LAMP5: variants seen among roughly 807,000 people sequenced by gnomAD.
LAMP5 encodes the protein lysosome-associated membrane glycoprotein 5.
A neutral mutation model predicts 30.2 loss-of-function variants in LAMP5; 36 were observed. The ratio of observed to expected loss-of-function variants is 1.19; its 90% CI spans 0.91 to 1.57. The LOEUF (loss-of-function observed/expected upper bound fraction) is 1.57, where lower values mean the gene tolerates loss of function less well. Among genes scored for constraint, LAMP5 ranks in the 40% most tolerant of loss-of-function variants. LAMP5 has a pLI of 0.00. For missense variants in LAMP5, 377 were observed against 354.9 expected, an observed-to-expected ratio of 1.06 and a Z score of -0.50; for synonymous variants, 149 against 134.6, an observed-to-expected ratio of 1.11 and a Z score of -0.74.
At chr20:9,517,621 A>ATG (rs3037127) in intron 4 of LAMP5, among the ~76,000 whole-genome samples, 22 of 149,096 alleles carry the variant, frequency 1.5e-4, no homozygotes, top group Non-Finnish European at 2.4e-4. Context: ...TTGTAAATGT[A>ATG]TGTGTGTGTG....
At position 9,529,739 on chromosome 20, in the gene LAMP5, G is replaced by A. The variant is rs767341331; in HGVS notation, c.762G>A (p.Ala254=). Residue 254 remains alanine (A), a synonymous_variant, in exon 6 of 6, where the codon GCG becomes GCA. Coordinates refer to ENST00000246070, the MANE Select transcript of LAMP5 (RefSeq NM_012261.4). ...ILGLVIMVTL[A]IYHVHHKMTA... is the part of the protein sequence containing the mutation. ...GCCTCGTCATCATGGTAACACTCGC[G>A]ATTTACCACGTCCACCACAAAATGA... 33 of 1,614,024 alleles carry A rather than the reference G, an allele frequency of 2.0e-5. No individual in the cohort carries two copies. The highest frequency in any genetic ancestry group is 4.5e-5 in the East Asian group (2 of 44,884).
At chr20:9,516,467 C>T (rs2045040834) in intron 4 of LAMP5, 106 bp downstream of exon 4, 6 of 942,224 alleles carry the variant, frequency 6.4e-6, no homozygotes, top group African/African-American at 1.6e-5. Flanking sequence ...CTTTGAGGTC[C>T]CAGGCCAAGT....
At chr20:9,527,020 A>G (rs1261439464) in intron 5 of LAMP5, among the ~76,000 whole-genome samples, 1 of 151,688 alleles carries the variant, frequency 6.6e-6, no homozygotes, top group African/African-American at 2.4e-5. Context: ...AGAAATCAAC[A>G]TATCCATCAT....
At chr20:9,516,182 G>C (rs1471821713) in intron 3 of LAMP5, 51 bp downstream of exon 3, 2 of 1,601,994 alleles carry the variant, frequency 1.2e-6, no homozygotes, top group Non-Finnish European at 1.7e-6. Context: ...CGTGGGTGTG[G>C]GAAGTGGCGG....
Position 9,529,917 on chromosome 20 carries a change from A to C in LAMP5, c.*97A>C. The C allele has an allele frequency of 1.6e-6, 2 of 1,228,454 alleles. No individual in the cohort carries two copies. The highest frequency in any genetic ancestry group is 1.5e-5 in the African/African-American group (1 of 67,286). 76.1% of individuals were successfully genotyped at this position (1,228,454 alleles called of 1,614,324 possible). Reference sequence around the variant, plus strand: ...CATCTTGTACACGAGATACACCAACATAGCTACAATCAAACAGGCCTGGGT... The same window carrying C: ...CATCTTGTACACGAGATACACCAACCTAGCTACAATCAAACAGGCCTGGGT... On this transcript the variant is annotated 3_prime_UTR_variant, in exon 6 of 6. Transcript: ENST00000246070.
chr20:9,524,472 T>G lies in LAMP5; in HGVS notation c.665-5170T>G, dbSNP rs1347744950. Among the ~76,000 whole-genome samples, 12 of 148,438 alleles carry G rather than the reference T, an allele frequency of 8.1e-5. No individual in the cohort carries two copies. The East Asian group carries it at 1.9e-3, about 24-fold the overall frequency. On this transcript the variant is annotated intron_variant, in intron 5 of 5. Transcript: ENST00000246070. ...ATGCTCTAAGCTGCCATGTAAAATA[T>G]TGTTTTTTTTTTTTTCCCGTGGGTC...
At chr20:9,515,024 T>C (rs2045025164) in intron 1 of LAMP5, 108 bp downstream of exon 1, 1 of 1,011,708 alleles carries the variant, frequency 9.9e-7, no homozygotes, top group African/African-American at 1.6e-5. Context: ...GCCCTTAATG[T>C]TTTGCGGTGT....
intron 5 of LAMP5, among the ~76,000 whole-genome samples, chr20:9,528,081 A>G (rs2122850804): frequency 6.6e-6 from 1 of 152,370 alleles, no homozygotes; most frequent in South Asian, 2.1e-4. Context: ...GTATGGATAA[A>G]GAAAATGTGG....
Position 9,514,912 on chromosome 20 carries a change from G to T in LAMP5, c.60G>T (p.Leu20Phe). The T allele has an allele frequency of 1.2e-6, 2 of 1,614,116 alleles. No homozygotes were observed. Among genetic ancestry groups the T allele is most frequent in the Non-Finnish European group, 1.7e-6 (2 of 1,179,954 alleles). The change falls in exon 1 of 6, where the codon TTG becomes TTT. Residue 20 changes from leucine to phenylalanine, a missense_variant. Leu to Phe is a conservative substitution (Grantham distance 22, BLOSUM62 0). Transcript: ENST00000246070. Reference sequence around the variant, plus strand: ...ACAGACTTCGAGTTCTCCTGATGTTGTTCCGTGAGTAGCGATTTGGCGACT... The same window carrying T: ...ACAGACTTCGAGTTCTCCTGATGTTTTTCCGTGAGTAGCGATTTGGCGACT... ...SIDRLRVLLM[L>F]FHTMAQIMAE...
rs957555210 is a variant in LAMP5, at chr20:9,529,850, G to T, written c.*30G>T. 4 of 1,607,702 alleles carry T rather than the reference G, an allele frequency of 2.5e-6. No homozygotes were observed. The highest frequency in any genetic ancestry group is 3.4e-6 in the Non-Finnish European group (4 of 1,175,196). ...CGTTAGGCAGGCACCCCCTATTCCT[G>T]CTCCCCCAACTGGATCAGGTAGAAC... On this transcript the variant is annotated 3_prime_UTR_variant, in exon 6 of 6. Transcript: ENST00000246070.
chr20:9,514,764 C>G lies in LAMP5; in HGVS notation c.-89C>G. ...TCTCTGTCCCCCGCCTCTCGCTCAC[C>G]CCGGCCCACTCCAGCGGCGACTTTG... On this transcript the variant is annotated 5_prime_UTR_variant, in exon 1 of 6. Transcript: ENST00000246070. The G allele has an allele frequency of 8.1e-7, 1 of 1,228,940 alleles. No homozygotes were observed. The highest frequency in any genetic ancestry group is 1.2e-5 in the South Asian group (1 of 80,016). The allele number at this position is 1,228,940 out of a possible 1,614,324, so 76.1% of individuals were successfully genotyped here.
rs755370376 is a variant in LAMP5, at chr20:9,518,109, G to A, written c.545G>A (p.Cys182Tyr). Residue 182 changes from cysteine (C) to tyrosine (Y), a missense_variant, in exon 5 of 6, where the codon TGT becomes TAT. Physicochemically the swap from Cys to Tyr is radical, Grantham distance 194 (BLOSUM62 -2). Transcript: ENST00000246070. ...ACCCCCGCTGGGAAGTCCTATGAGTGTCAAGCTCAACAAACCATTTCACTG... is the reference window on the plus strand; with the variant it reads ...ACCCCCGCTGGGAAGTCCTATGAGTATCAAGCTCAACAAACCATTTCACTG... ...LVTPAGKSYE[C>Y]QAQQTISLAS... 6.8e-6 allele frequency: 11 copies of A among 1,614,194 alleles called. No individual in the cohort carries two copies. Among genetic ancestry groups the A allele is most frequent in the South Asian group, 5.5e-5 (5 of 91,082 alleles).
At chr20:9,516,173 G>C (rs770615829) in intron 3 of LAMP5, 42 bp downstream of exon 3, 1 of 1,596,192 alleles carries the variant, frequency 6.3e-7, no homozygotes, top group South Asian at 1.1e-5. Flanking sequence ...CAGGCTCCGC[G>C]TGGGTGTGGG....
rs2045024153 is a variant in LAMP5, at chr20:9,514,930, T to G, written c.64+14T>G. On this transcript the variant is annotated intron_variant, in intron 1 of 5. Coordinates refer to ENST00000246070, the MANE Select transcript of LAMP5 (RefSeq NM_012261.4). ...TGATGTTGTTCCGTGAGTAGCGATT[T>G]GGCGACTGGGAGAGAGGACGGGCAC... The G allele has an allele frequency of 6.2e-7, 1 of 1,613,600 alleles. No homozygotes were observed. Among genetic ancestry groups the G allele is most frequent in the South Asian group, 1.1e-5 (1 of 91,048 alleles).
At chr20:9,521,315 C>T (rs909846500) in intron 5 of LAMP5, among the ~76,000 whole-genome samples, 11 of 152,156 alleles carry the variant, frequency 7.2e-5, no homozygotes, top group African/African-American at 2.4e-4. Context: ...AGCCTTAGAA[C>T]TCCAAGGCCC....
In LAMP5 at chr20:9,514,910, T is replaced by G. The variant is rs375192273; in HGVS notation, c.58T>G (p.Leu20Val). The G allele has an allele frequency of 1.1e-5, 18 of 1,613,976 alleles. No homozygotes were observed. In the South Asian group the frequency reaches 1.9e-4, roughly 17 times the overall value. The change falls in exon 1 of 6, where the codon TTG becomes GTG. Residue 20 changes from leucine to valine, a missense_variant. By Grantham distance (32) the Leu-to-Val change is conservative. Coordinates refer to ENST00000246070, the MANE Select transcript of LAMP5 (RefSeq NM_012261.4). ...CGACAGACTTCGAGTTCTCCTGATG[T>G]TGTTCCGTGAGTAGCGATTTGGCGA... ...SIDRLRVLLM[L>V]FHTMAQIMAE...
In LAMP5 at chr20:9,516,140, G is replaced by T. The variant is rs2045037154; in HGVS notation, c.369+9G>T. 1.3e-6 allele frequency: 2 copies of T among 1,571,286 alleles called. No homozygotes were observed. ...AAATGCTCTTTGTAAAGGTAACTCCGAGCCCAGCGGGCAGAGGGGCCGCAG... is the reference window on the plus strand; with the variant it reads ...AAATGCTCTTTGTAAAGGTAACTCCTAGCCCAGCGGGCAGAGGGGCCGCAG... On this transcript the variant is annotated intron_variant, in intron 3 of 5. Transcript: ENST00000246070.
chr20:9,524,558 T>C (rs1294368609), intron 5 of LAMP5, among the ~76,000 whole-genome samples: 1 of 138,062 alleles, frequency 7.2e-6, no homozygotes, highest in African/African-American at 2.7e-5. Flanking sequence ...CCTGCTTTTA[T>C]GGGTTCATAA....
At chr20:9,524,574 C>T (rs1603173308) in intron 5 of LAMP5, among the ~76,000 whole-genome samples, 1 of 121,884 alleles carries the variant, frequency 8.2e-6, no homozygotes, top group South Asian at 2.7e-4. Flanking sequence ...CATAATCCCT[C>T]ATCTAAAACC....
Sources: allele counts gnomAD v4.1 joint callset (sites outside exome capture counted in the v4.1 genomes callset), GRCh38; gene constraint gnomAD v4.1.1; transcripts MANE v1.5; gene names NCBI Gene and HGNC (gene_info 2026-07-23, HGNC 2026-07-21).